The following C3orf33 variants were observed in gnomAD, a reference collection of about 807,000 sequenced individuals.
C3orf33 encodes the protein mitochondrial inner membrane subdomain organizer 1.
In C3orf33, 23 loss-of-function variants were observed where a neutral mutation model predicts 28.7. The observed-to-expected ratio is 0.80, with a 90% CI of 0.58 to 1.13. The LOEUF (loss-of-function observed/expected upper bound fraction) is 1.13. Among genes scored for constraint, C3orf33 ranks in the 50% most tolerant of loss-of-function variants. C3orf33 has a pLI of 0.00. For missense variants in C3orf33, 327 were observed against 353.4 expected, an observed-to-expected ratio of 0.93 and a Z score of 0.60; for synonymous variants, 119 against 120.5, an observed-to-expected ratio of 0.99 and a Z score of 0.08.
intron 2 of C3orf33, among the ~76,000 whole-genome samples, chr3:155,780,215 A>C (rs920943081): frequency 2.7e-4 from 41 of 152,332 alleles, no homozygotes; most frequent in African/African-American, 9.4e-4. Context: ...GAGAGGCAGA[A>C]AGATGATGCT....
chr3:155,768,320 C>A (rs1386125512), intron 3 of C3orf33, among the ~76,000 whole-genome samples: 1 of 152,144 alleles, frequency 6.6e-6, no homozygotes, highest in Admixed American at 6.5e-5. Context: ...TGGGCTATTA[C>A]CACCAAAAGA....
intron 2 of C3orf33, among the ~76,000 whole-genome samples, chr3:155,783,151 TTCTACA>T (rs1750986130): frequency 6.7e-6 from 1 of 149,850 alleles, no homozygotes; most frequent in African/African-American, 2.5e-5. Context: ...ACTCAACCCA[TTCTACA>T]TTTTTTTTTT....
At chr3:155,781,335 C>G (rs1420170972) in intron 2 of C3orf33, among the ~76,000 whole-genome samples, 1 of 152,142 alleles carries the variant, frequency 6.6e-6, no homozygotes, top group Non-Finnish European at 1.5e-5. Context: ...TGGGGTTTCT[C>G]TTACTTGCAG....
chr3:155,800,255 T>C (rs1751601092), intron 2 of C3orf33, among the ~76,000 whole-genome samples: 2 of 151,836 alleles, frequency 1.3e-5, no homozygotes, highest in African/African-American at 4.8e-5. Flanking sequence ...AAATTGGACT[T>C]CATAAAAATT....
At chr3:155,796,917 A>C (rs1751489919) in intron 2 of C3orf33, among the ~76,000 whole-genome samples, 1 of 152,208 alleles carries the variant, frequency 6.6e-6, no homozygotes, top group East Asian at 1.9e-4. Flanking sequence ...CAGGCCTGGC[A>C]TGGTGGCTCA....
chr3:155,774,764 C>A (rs1289624296), intron 3 of C3orf33, among the ~76,000 whole-genome samples: 4 of 149,556 alleles, frequency 2.7e-5, no homozygotes, highest in Non-Finnish European at 5.9e-5. Flanking sequence ...CCCAGGGAAG[C>A]CAAAAGATTG....
rs115731681 is a variant in C3orf33 at position 155,763,904 on chromosome 3, G to T, written c.498C>A (p.Ser166Arg). The change falls in exon 5 of 5, where the codon AGC (serine) becomes AGA (arginine). Residue 166 changes from serine (S) to arginine (R), a missense_variant. Ser to Arg is a moderately radical substitution (Grantham distance 110). Transcript: ENST00000340171. ...TCAAAATTTCTTCATTCAGATTCAC[G>T]CTGAAATATCCACCCTTGAATTTAA... ...YLLVSKGGYF[S>R]VNLNEEILRR... 32 of 1,455,992 alleles carry T rather than the reference G, an allele frequency of 2.2e-5. No individual in the cohort carries two copies. Among genetic ancestry groups the T allele is most frequent in the Non-Finnish European group, 2.9e-5 (32 of 1,105,784 alleles). The allele number at this position is 1,455,992 out of a possible 1,614,324, so 90.2% of individuals were successfully genotyped here. A position where few individuals can be genotyped will look rare whatever the true frequency, so the allele number is the denominator to read the frequency against.
intron 2 of C3orf33, among the ~76,000 whole-genome samples, chr3:155,778,892 C>G (rs1003707800): frequency 6.6e-6 from 1 of 152,098 alleles, no homozygotes; most frequent in Non-Finnish European, 1.5e-5. Flanking sequence ...GCATGAGGAA[C>G]AAACATCAGA....
In C3orf33 at chr3:155,781,258, G is replaced by A. The variant is rs557008881; in HGVS notation, c.175-5410C>T. On this transcript the variant is annotated intron_variant, in intron 2 of 4. Transcript: ENST00000340171. ...CCTGACCTCATGATCCACCCGCCTC[G>A]GCCTCCCAATAGACTTCTTATGACT... 1.7e-3 allele frequency among the ~76,000 whole-genome samples: 260 copies of A among 150,102 alleles called. 1 individual carries two copies. The highest frequency in any genetic ancestry group is 2.7e-3 in the Non-Finnish European group (186 of 67,870).
chr3:155,790,338 T>C (rs1323785411), intron 2 of C3orf33, among the ~76,000 whole-genome samples: 1 of 145,498 alleles, frequency 6.9e-6, no homozygotes, highest in African/African-American at 2.5e-5. Context: ...TAAAAAAAAA[T>C]ATAGGGCAAA....
chr3:155,768,666 T>C (rs1040392280), intron 3 of C3orf33, among the ~76,000 whole-genome samples: 1 of 152,204 alleles, frequency 6.6e-6, no homozygotes, highest in African/African-American at 2.4e-5. Context: ...TGGTTGAAAA[T>C]ATAAAGTTAC....
chr3:155,801,822 C>T (rs1381366923), intron 2 of C3orf33, among the ~76,000 whole-genome samples: 3 of 152,198 alleles, frequency 2.0e-5, no homozygotes, highest in Non-Finnish European at 4.4e-5. Context: ...ACGGTTTCAG[C>T]TCACTGCAAC....
intron 2 of C3orf33, among the ~76,000 whole-genome samples, chr3:155,792,716 A>G (rs1365052240): frequency 2.6e-5 from 4 of 152,056 alleles, no homozygotes; most frequent in African/African-American, 7.2e-5. Context: ...CAGAGTCTCT[A>G]AACAGCAGAA....
Position 155,802,607 on chromosome 3 carries a change from T to C in C3orf33, c.115-16A>G. On this transcript the variant is annotated splice_polypyrimidine_tract_variant and intron_variant, in intron 1 of 4. Transcript: ENST00000340171. ...TGCTGATGTTCTACAGAAAGAGATT[T>C]AAGGGTTAACCCTCACTAATTATTA... The C allele has an allele frequency of 6.3e-7, 1 of 1,582,394 alleles. No homozygotes were observed. Among genetic ancestry groups the C allele is most frequent in the Non-Finnish European group, 8.6e-7 (1 of 1,168,388 alleles).
intron 3 of C3orf33, among the ~76,000 whole-genome samples, chr3:155,772,597 C>T (rs1340565026): frequency 1.3e-5 from 2 of 149,006 alleles, no homozygotes; most frequent in Non-Finnish European, 3.0e-5. Context: ...TTTTTACCAT[C>T]AGGGATGAGA....
chr3:155,772,533 T>C (rs1385442110), intron 3 of C3orf33, among the ~76,000 whole-genome samples: 4 of 151,986 alleles, frequency 2.6e-5, no homozygotes, highest in Non-Finnish European at 5.9e-5. Flanking sequence ...ATGAGACACA[T>C]GAAGTTGTAT....
intron 2 of C3orf33, 75 bp downstream of exon 2, chr3:155,802,457 T>G (rs1426130763): frequency 2.3e-5 from 24 of 1,064,996 alleles, no homozygotes; most frequent in Non-Finnish European, 3.0e-5. Context: ...ATACACTGTT[T>G]GAGATAAAAA....
At chr3:155,793,830 A>G (rs1402997389) in intron 2 of C3orf33, among the ~76,000 whole-genome samples, 1 of 50,844 alleles carries the variant, frequency 2.0e-5, no homozygotes, top group Non-Finnish European at 5.0e-5. Context: ...AAAAAAAACT[A>G]AAAAAACTAA....
At chr3:155,795,696 C>T (rs1751455690) in intron 2 of C3orf33, among the ~76,000 whole-genome samples, 1 of 149,972 alleles carries the variant, frequency 6.7e-6, no homozygotes, top group African/African-American at 2.5e-5. Context: ...TGGCTTACAC[C>T]TGTAATTCCA....
Sources: gnomAD v4.1 joint callset for allele counts (sites outside exome capture counted in the v4.1 genomes callset) on GRCh38, gnomAD v4.1.1 for gene constraint, MANE v1.5 for transcripts, NCBI Gene and HGNC (gene_info 2026-07-23, HGNC 2026-07-21) for gene names.